PACS1: variants seen among roughly 807,000 people sequenced by gnomAD.
The protein encoded by PACS1 is PACS-1.
In PACS1, 24 loss-of-function variants were observed where a neutral mutation model predicts 115.0. The observed-to-expected ratio is 0.21, with a 90% CI of 0.15 to 0.29. PACS1 has a LOEUF of 0.29. Among genes scored for constraint, PACS1 ranks in the 10% least tolerant of loss-of-function variants. PACS1 has a pLI of 1.00. For synonymous variants in PACS1, 453 were observed against 504.5 expected (o/e 0.90, Z 1.37); for missense variants, 838 against 1,251.2 (o/e 0.67, Z 4.98).
intron 1 of PACS1, among the ~76,000 whole-genome samples, chr11:66,103,641 G>A (rs751049434): frequency 1.3e-5 from 2 of 150,482 alleles, no homozygotes; most frequent in Admixed American, 6.7e-5. Context: ...CTCCCCAGTA[G>A]CTGGGATTAC....
At chr11:66,215,915 AATAATAATAATAAT>A (rs1855193756) in intron 4 of PACS1, among the ~76,000 whole-genome samples, 190 bp from the exon 5 acceptor site, 2 of 143,882 alleles carry the variant, frequency 1.4e-5, no homozygotes, top group Admixed American at 6.9e-5. Context: ...TAATAATAAT[AATAATAATAATAAT>A]AATAATAATA....
chr11:66,154,329 C>T (rs998151287), intron 1 of PACS1, among the ~76,000 whole-genome samples: 1 of 152,068 alleles, frequency 6.6e-6, no homozygotes, highest in African/African-American at 2.4e-5. Flanking sequence ...GTCCTAGCTG[C>T]TCTAGAGGCT....
At chr11:66,192,497 G>C (rs901557250) in intron 1 of PACS1, among the ~76,000 whole-genome samples, 3 of 152,258 alleles carry the variant, frequency 2.0e-5, no homozygotes, top group Non-Finnish European at 4.4e-5. Context: ...CCAAAGGAAA[G>C]TTAGTGTGGC....
chr11:66,228,526 G>A (rs1358303161), intron 11 of PACS1, among the ~76,000 whole-genome samples: 1 of 152,150 alleles, frequency 6.6e-6, no homozygotes, highest in Non-Finnish European at 1.5e-5. Flanking sequence ...TACTGCACGT[G>A]GCAAGTACAG....
chr11:66,227,688 A>T, intron 11 of PACS1, 104 bp downstream of exon 11: 1 of 694,110 alleles, frequency 1.4e-6, no homozygotes, highest in East Asian at 2.7e-5. Context: ...ATTTCACCTA[A>T]ATCTGCAGGC....
intron 1 of PACS1, among the ~76,000 whole-genome samples, chr11:66,128,421 G>A (rs1858627850): frequency 6.6e-6 from 1 of 152,190 alleles, no homozygotes; most frequent in Non-Finnish European, 1.5e-5. Context: ...AATGCTGTCT[G>A]TGATTTGCTT....
At chr11:66,184,638 C>T (rs1860081129) in intron 1 of PACS1, among the ~76,000 whole-genome samples, 2 of 152,178 alleles carry the variant, frequency 1.3e-5, no homozygotes, top group Non-Finnish European at 2.9e-5. Context: ...TGCTTGTGCT[C>T]AAATATGTCC....
chr11:66,117,745 C>A (rs1590755816), intron 1 of PACS1, among the ~76,000 whole-genome samples: 1 of 151,754 alleles, frequency 6.6e-6, no homozygotes, highest in African/African-American at 2.4e-5. Context: ...ACTTGGGAGG[C>A]TGAGGCAGGA....
At chr11:66,089,518 A>G (rs995504831) in intron 1 of PACS1, among the ~76,000 whole-genome samples, 1 of 152,304 alleles carries the variant, frequency 6.6e-6, no homozygotes, top group South Asian at 2.1e-4. Context: ...TGAACGCTGG[A>G]CTTGGAACCA....
rs112997252 is a variant in PACS1, at chr11:66,236,372, G to T, written c.2250+432G>T. Among the ~76,000 whole-genome samples, 1 of 152,248 alleles carries T rather than the reference G, an allele frequency of 6.6e-6. No homozygotes were observed. Among genetic ancestry groups the T allele is most frequent in the Admixed American group, 6.5e-5 (1 of 15,290 alleles). On this transcript the variant is annotated intron_variant, in intron 19 of 23. Coordinates refer to ENST00000320580, the MANE Select transcript of PACS1 (RefSeq NM_018026.4). This position sits in a 1 kb window ranked among gnomAD's most constrained non-coding sequence, Gnocchi z 4.2. ...TTCACCCGGGGAGTGATGTCCAGAC[G>T]TGGCTCACGGGAAAGGGAGCTGCTT...
intron 1 of PACS1, among the ~76,000 whole-genome samples, chr11:66,108,499 G>A (rs185655919): frequency 6.6e-6 from 1 of 152,254 alleles, no homozygotes; most frequent in East Asian, 1.9e-4. Context: ...AAAGTGGGAG[G>A]ATCGCTTGAG....
chr11:66,231,886 C>T (rs1298322070), intron 13 of PACS1: 4 of 324,712 alleles, frequency 1.2e-5, no homozygotes, highest in South Asian at 8.6e-5. Flanking sequence ...GTTTCCCATC[C>T]GCGAGGCTTG....
chr11:66,232,939 TC>T lies in PACS1; in HGVS notation c.1732-20del. 1.3e-6 allele frequency: 2 copies of T among 1,577,276 alleles called. No homozygotes were observed. On this transcript the variant is annotated intron_variant, in intron 14 of 23. Coordinates refer to ENST00000320580, the MANE Select transcript of PACS1 (RefSeq NM_018026.4). ...GATGTGTTCTCACCTGTGTCCCTGC[TC>T]TCCTCCCTCCCTATCCCAGTATGTG...
intron 1 of PACS1, among the ~76,000 whole-genome samples, chr11:66,117,345 C>T (rs1174116289): frequency 2.0e-5 from 3 of 151,550 alleles, no homozygotes; most frequent in Non-Finnish European, 4.4e-5. Context: ...CCTGTAATCC[C>T]AGCTACTCAG....
chr11:66,217,448 C>A, intron 7 of PACS1: 1 of 420,726 alleles, frequency 2.4e-6, no homozygotes, highest in South Asian at 1.7e-5. Context: ...GTGCTGGGAG[C>A]ATTTCCGAAG....
At chr11:66,220,843 C>G in intron 9 of PACS1, 52 bp downstream of exon 9, 1 of 1,578,476 alleles carries the variant, frequency 6.3e-7, no homozygotes, top group South Asian at 1.1e-5. Flanking sequence ...CTGGCCATAG[C>G]AGTCTCCTGA....
At chr11:66,167,509 C>A (rs1023951303) in intron 1 of PACS1, among the ~76,000 whole-genome samples, 1 of 149,354 alleles carries the variant, frequency 6.7e-6, no homozygotes, top group Non-Finnish European at 1.5e-5. Context: ...TTTGGCTTGT[C>A]CTTTGAGTCT....
intron 1 of PACS1, among the ~76,000 whole-genome samples, chr11:66,101,063 A>G (rs1857905965): frequency 1.3e-5 from 2 of 152,230 alleles, no homozygotes; most frequent in Non-Finnish European, 2.9e-5. Context: ...CTTTTTCATG[A>G]GAGGACTGTT....
chr11:66,221,560 C>G, intron 10 of PACS1: 1 of 241,962 alleles, frequency 4.1e-6, no homozygotes, highest in Non-Finnish European at 8.1e-6. Flanking sequence ...GCAGGAGAAT[C>G]ACTTGAAGCC....
Sources: allele counts gnomAD v4.1 joint callset (sites outside exome capture counted in the v4.1 genomes callset), GRCh38; gene constraint gnomAD v4.1.1; non-coding constraint Gnocchi (gnomAD v3.1); transcripts MANE v1.5; gene names NCBI Gene and HGNC (gene_info 2026-07-23, HGNC 2026-07-21).